The following NPLOC4 variants were observed in gnomAD, a reference collection of about 807,000 sequenced individuals.
NPLOC4 encodes the protein NPL4 homolog, ubiquitin recognition factor.
Under a neutral mutation model 80.6 loss-of-function variants are expected in NPLOC4, and 18 were observed. That is an observed-to-expected ratio of 0.22 (90% CI 0.15 to 0.33). The LOEUF is 0.33. NPLOC4 is among the 10% of genes least tolerant of loss of function. The pLI, the probability that NPLOC4 is intolerant of heterozygous loss-of-function variation, is 1.00. For missense variants in NPLOC4, 540 were observed against 786.1 expected (o/e 0.69, Z 3.74); for synonymous variants, 313 against 301.5 (o/e 1.04, Z -0.39).
At chr17:81,602,197 G>A (rs189020004) in intron 8 of NPLOC4, among the ~76,000 whole-genome samples, 8 of 152,202 alleles carry the variant, frequency 5.3e-5, no homozygotes, top group East Asian at 3.9e-4. Context: ...AGAGGATCTC[G>A]CTCAGGAGCG....
chr17:81,598,557 G>A (rs1318029406), intron 9 of NPLOC4, among the ~76,000 whole-genome samples: 1 of 152,196 alleles, frequency 6.6e-6, no homozygotes, highest in East Asian at 1.9e-4. Flanking sequence ...CTGCTCCTGG[G>A]AGCTCCACCT....
intron 11 of NPLOC4, 114 bp from the exon 12 acceptor site, chr17:81,589,218 G>A (rs561472615): frequency 1.5e-5 from 14 of 912,724 alleles, no homozygotes; most frequent in African/African-American, 6.7e-5. Context: ...AGAGTTTGTC[G>A]GGGGTAAGAG....
At chr17:81,593,240 G>A (rs1011248428) in intron 11 of NPLOC4, among the ~76,000 whole-genome samples, 2 of 152,008 alleles carry the variant, frequency 1.3e-5, no homozygotes, top group Admixed American at 6.6e-5. Flanking sequence ...GTAAGCTGAG[G>A]CAAGGGCACA....
intron 3 of NPLOC4, among the ~76,000 whole-genome samples, chr17:81,615,074 C>T (rs1240142702): frequency 2.0e-5 from 3 of 151,258 alleles, no homozygotes; most frequent in Non-Finnish European, 4.4e-5. Context: ...CATTACCAAA[C>T]ATTACCACAT....
At chr17:81,592,275 G>A (rs985006723) in intron 11 of NPLOC4, among the ~76,000 whole-genome samples, 3 of 152,144 alleles carry the variant, frequency 2.0e-5, no homozygotes, top group Non-Finnish European at 4.4e-5. Flanking sequence ...CCGCATGGCC[G>A]TGACCAAGAA....
chr17:81,605,953 T>A (rs545485195), intron 7 of NPLOC4, among the ~76,000 whole-genome samples: 7 of 151,510 alleles, frequency 4.6e-5, no homozygotes, highest in Non-Finnish European at 7.4e-5. Flanking sequence ...CCTGAGCAAC[T>A]GGGACGACAG....
intron 11 of NPLOC4, among the ~76,000 whole-genome samples, chr17:81,592,652 T>C (rs1165131645): frequency 1.3e-5 from 2 of 152,178 alleles, no homozygotes; most frequent in Non-Finnish European, 2.9e-5. Context: ...TCTAAAAATG[T>C]GCCAGTTCTT....
rs1255847669 is a variant in NPLOC4, at chr17:81,604,589, C to T, written c.793G>A (p.Gly265Ser). ...ATCGCAGCCACTTCAGCCCTGATGCCAAGGGGAATGTCTTTGTGCTCCGTG... is the reference window on the plus strand; with the variant it reads ...ATCGCAGCCACTTCAGCCCTGATGCTAAGGGGAATGTCTTTGTGCTCCGTG... ...RYTEHKDIPLGIRAEVAAIYE... is the reference protein window; with the variant it reads ...RYTEHKDIPLSIRAEVAAIYE... The change falls in exon 8 of 17, where the codon GGC (glycine) becomes AGC (serine). Residue 265 changes from glycine (G) to serine (S), a missense_variant. Around this residue, in one of 6 missense-constraint regions of NPLOC4, gnomAD observed 251 missense variants for 377.5 expected, o/e 0.66. Coordinates refer to ENST00000331134, the MANE Select transcript of NPLOC4 (RefSeq NM_017921.4). The T allele has an allele frequency of 1.2e-6, 2 of 1,613,618 alleles. No homozygotes were observed. The highest frequency in any genetic ancestry group is 8.5e-7 in the Non-Finnish European group (1 of 1,179,740).
rs774802530 is a variant in NPLOC4 at position 81,572,579 on chromosome 17, A to C, written c.1282-491T>G. 1.3e-5 allele frequency among the ~76,000 whole-genome samples: 2 copies of C among 152,208 alleles called. No homozygotes were observed. The highest frequency in any genetic ancestry group is 2.9e-5 in the Non-Finnish European group (2 of 68,032). On this transcript the variant is annotated intron_variant, in intron 12 of 16. Coordinates refer to ENST00000331134, the MANE Select transcript of NPLOC4 (RefSeq NM_017921.4). This position sits in a 1 kb window ranked among gnomAD's most constrained non-coding sequence, Gnocchi z 4.5. ...TATTTTTGCAGTAAAACCACCTTCC[A>C]CCATTTCTTGGAGCTCATTATAACC...
chr17:81,561,124 A>AT (rs1454341964), intron 16 of NPLOC4, among the ~76,000 whole-genome samples: 2 of 151,798 alleles, frequency 1.3e-5, no homozygotes, highest in East Asian at 1.9e-4. Context: ...CACCTGGCTA[A>AT]TTTTTTTTAT....
Position 81,620,762 on chromosome 17 carries a change from G to C in NPLOC4, c.209+1404C>G, listed in dbSNP as rs2035642734. ...CGGGACAAGCGTGGTCGTGAGCTGA[G>C]AGTTCCTCTGGCTGGAACAGAGAGT... On this transcript the variant is annotated intron_variant, in intron 3 of 16. Transcript: ENST00000331134. Among the ~76,000 whole-genome samples, 6 of 152,334 alleles carry C rather than the reference G, an allele frequency of 3.9e-5. 1 individual carries two copies. The South Asian group carries it at 1.2e-3, about 32-fold the overall frequency.
At chr17:81,579,103 G>A (rs899780692) in intron 12 of NPLOC4, among the ~76,000 whole-genome samples, 2 of 152,198 alleles carry the variant, frequency 1.3e-5, no homozygotes, top group Non-Finnish European at 1.5e-5. Flanking sequence ...TGTTTAGCGT[G>A]GTGGCTCACG....
At chr17:81,624,695 C>T (rs529754980) in intron 2 of NPLOC4, among the ~76,000 whole-genome samples, 48 of 152,258 alleles carry the variant, frequency 3.2e-4, no homozygotes, top group African/African-American at 1.0e-3. Context: ...ATAAGCACTA[C>T]GACAGAAAAG....
At chr17:81,594,480 A>C (rs2034842433) in intron 11 of NPLOC4, among the ~76,000 whole-genome samples, 1 of 151,954 alleles carries the variant, frequency 6.6e-6, no homozygotes, top group African/African-American at 2.4e-5. Flanking sequence ...ATTTCTACTA[A>C]AAATTTAAAA....
At chr17:81,636,031 G>T (rs2036061857) in intron 1 of NPLOC4, among the ~76,000 whole-genome samples, 1 of 150,910 alleles carries the variant, frequency 6.6e-6, no homozygotes, top group Non-Finnish European at 1.5e-5. Context: ...GGAGTGCCAT[G>T]GAGGGATCTC....
chr17:81,557,460 T>C lies in NPLOC4; in HGVS notation c.*1799A>G, dbSNP rs1026665508. On this transcript the variant is annotated 3_prime_UTR_variant, in exon 17 of 17. Coordinates refer to ENST00000331134, the MANE Select transcript of NPLOC4 (RefSeq NM_017921.4). Reference sequence around the variant, plus strand: ...GAGGACAACGGAAACTATAATAGCGTGGTGGATAAGGACGAGCGAGTGGGA... The same window carrying C: ...GAGGACAACGGAAACTATAATAGCGCGGTGGATAAGGACGAGCGAGTGGGA... 1.3e-5 allele frequency: 2 copies of C among 152,208 alleles called. No homozygotes were observed. Among genetic ancestry groups the C allele is most frequent in the Non-Finnish European group, 2.9e-5 (2 of 68,040 alleles). 9.4% of individuals were successfully genotyped at this position (152,208 alleles called of 1,614,324 possible). A position where few individuals can be genotyped will look rare whatever the true frequency, so the allele number is the denominator to read the frequency against.
At chr17:81,594,632 G>A (rs569317478) in intron 11 of NPLOC4, among the ~76,000 whole-genome samples, 34 of 152,090 alleles carry the variant, frequency 2.2e-4, no homozygotes, top group African/African-American at 7.2e-4. Context: ...AAAATTAGCC[G>A]GGTATGCTGG....
intron 13 of NPLOC4, among the ~76,000 whole-genome samples, chr17:81,570,687 A>G (rs984541192): frequency 2.0e-5 from 3 of 152,168 alleles, no homozygotes; most frequent in African/African-American, 7.2e-5. Context: ...CCCCAGTAAC[A>G]CTGGCTGGTG....
At chr17:81,636,852 C>T (rs2036093265) in intron 1 of NPLOC4, 64 bp downstream of exon 1, 10 of 1,373,718 alleles carry the variant, frequency 7.3e-6, no homozygotes, top group Middle Eastern at 5.0e-4. Context: ...CCCCCACAGG[C>T]CGAGGCCGGC....
Sources: allele counts gnomAD v4.1 joint callset (sites outside exome capture counted in the v4.1 genomes callset), GRCh38; gene constraint gnomAD v4.1.1; regional missense constraint gnomAD v4.1.1; non-coding constraint Gnocchi (gnomAD v3.1); transcripts MANE v1.5; gene names NCBI Gene and HGNC (gene_info 2026-07-23, HGNC 2026-07-21).